Variants in GABBR2 observed in about 807,000 individuals in gnomAD.
The protein encoded by GABBR2 is G-protein coupled receptor 51.
A neutral mutation model predicts 105.6 loss-of-function variants in GABBR2; 23 were observed. That is an observed-to-expected ratio of 0.22 (90% confidence interval 0.16 to 0.31). The LOEUF (loss-of-function observed/expected upper bound fraction) is 0.31. Among genes scored for constraint, GABBR2 ranks in the 10% least tolerant of loss-of-function variants. The pLI is 1.00. For missense variants in GABBR2, 734 were observed against 1,245.5 expected (o/e 0.59, Z 6.18); for synonymous variants, 478 against 499.7 (o/e 0.96, Z 0.58).
intron 8 of GABBR2, among the ~76,000 whole-genome samples, chr9:98,400,084 T>C (rs1832365905): frequency 1.4e-5 from 2 of 147,752 alleles, no homozygotes; most frequent in East Asian, 4.0e-4. Flanking sequence ...CTTGGGAGGC[T>C]GAGGAAGGAG....
chr9:98,515,619 C>G (rs1827742375), intron 3 of GABBR2, among the ~76,000 whole-genome samples: 1 of 152,004 alleles, frequency 6.6e-6, no homozygotes. Context: ...CTGGGACTCG[C>G]CTTGGCACAG....
chr9:98,652,492 T>C (rs528267401), intron 1 of GABBR2, among the ~76,000 whole-genome samples: 1 of 152,238 alleles, frequency 6.6e-6, no homozygotes, highest in Non-Finnish European at 1.5e-5. Flanking sequence ...GACACCTGGA[T>C]CAGTGGTTTT....
At chr9:98,587,637 G>A (rs1829095930) in intron 1 of GABBR2, among the ~76,000 whole-genome samples, 1 of 152,210 alleles carries the variant, frequency 6.6e-6, no homozygotes, top group South Asian at 2.1e-4. Flanking sequence ...GGAGGCAGAA[G>A]AGGGAAGAGA....
intron 13 of GABBR2, among the ~76,000 whole-genome samples, chr9:98,324,282 T>C (rs562174811): frequency 2.0e-5 from 3 of 152,188 alleles, no homozygotes; most frequent in Non-Finnish European, 4.4e-5. Context: ...TTTTACAGTG[T>C]GTCCTTGGCT....
At chr9:98,341,013 G>C (rs1217618711) in intron 13 of GABBR2, among the ~76,000 whole-genome samples, 1 of 152,264 alleles carries the variant, frequency 6.6e-6, no homozygotes, top group Non-Finnish European at 1.5e-5. Context: ...TGGACAGGTA[G>C]AGATGGAGAA....
chr9:98,512,545 A>G (rs984087350), intron 3 of GABBR2, among the ~76,000 whole-genome samples: 6 of 152,218 alleles, frequency 3.9e-5, no homozygotes. Flanking sequence ...CTGATCAGCA[A>G]CTTCAGCAAA....
At chr9:98,455,729 T>C (rs569149851) in intron 6 of GABBR2, among the ~76,000 whole-genome samples, 15 of 152,344 alleles carry the variant, frequency 9.8e-5, no homozygotes, top group South Asian at 2.1e-4. Context: ...CATCAAAGAC[T>C]GTGTCTTCCG....
chr9:98,438,172 TATCCATCCATCCATCC>T (rs34647195), intron 7 of GABBR2, among the ~76,000 whole-genome samples: 18,446 of 143,718 alleles, frequency 0.13, 1,283 homozygotes, highest in East Asian at 0.19. Flanking sequence ...TCCATCTACC[TATCCATCCATCCATCC>T]ATCCATCCAT....
intron 7 of GABBR2, among the ~76,000 whole-genome samples, chr9:98,420,421 C>T (rs1225042186): frequency 6.6e-6 from 1 of 152,192 alleles, no homozygotes; most frequent in Non-Finnish European, 1.5e-5. Context: ...AAGGCATGTG[C>T]AGGGCTTTTA....
chr9:98,677,130 G>T (rs1452137751), intron 1 of GABBR2, among the ~76,000 whole-genome samples: 4 of 152,218 alleles, frequency 2.6e-5, no homozygotes, highest in Non-Finnish European at 5.9e-5. Flanking sequence ...TAGCCAAGAA[G>T]ACTACTGCAC....
At chr9:98,409,144 C>T (rs571536021) in intron 7 of GABBR2, among the ~76,000 whole-genome samples, 1 of 152,264 alleles carries the variant, frequency 6.6e-6, no homozygotes, top group South Asian at 2.1e-4. Flanking sequence ...GTGAGGGAGG[C>T]AGGGTTGTGG....
intron 17 of GABBR2, among the ~76,000 whole-genome samples, chr9:98,296,078 T>C (rs1206503874): frequency 6.6e-6 from 1 of 152,178 alleles, no homozygotes; most frequent in Non-Finnish European, 1.5e-5. Context: ...CCCAAATTCA[T>C]GTGTTGAAAC....
At chr9:98,613,658 T>C (rs943093229) in intron 1 of GABBR2, among the ~76,000 whole-genome samples, 2 of 152,166 alleles carry the variant, frequency 1.3e-5, no homozygotes, top group African/African-American at 4.8e-5. Flanking sequence ...AAAAGACAAA[T>C]TCTGCAGGGA....
chr9:98,531,367 C>T (rs1026233028), intron 3 of GABBR2, among the ~76,000 whole-genome samples: 1 of 152,184 alleles, frequency 6.6e-6, no homozygotes, highest in Non-Finnish European at 1.5e-5. Context: ...AATGGGACAG[C>T]CATCTTCTCT....
intron 1 of GABBR2, among the ~76,000 whole-genome samples, chr9:98,646,013 GC>G (rs1830024741): frequency 6.6e-6 from 1 of 152,180 alleles, no homozygotes. Context: ...AGGCAGTCTG[GC>G]TCCGGGATCC....
intron 7 of GABBR2, among the ~76,000 whole-genome samples, chr9:98,433,374 T>C (rs539084444): frequency 1.4e-4 from 22 of 152,340 alleles, no homozygotes; most frequent in African/African-American, 5.1e-4. Flanking sequence ...TACATACACA[T>C]GTACAAAATT....
chr9:98,645,277 C>A (rs1195902739), intron 1 of GABBR2, among the ~76,000 whole-genome samples: 2 of 152,162 alleles, frequency 1.3e-5, no homozygotes, highest in African/African-American at 4.8e-5. Context: ...TACTTTGCAC[C>A]TAGAAGCACA....
intron 1 of GABBR2, among the ~76,000 whole-genome samples, chr9:98,627,077 C>T (rs1829747459): frequency 6.6e-6 from 1 of 152,164 alleles, no homozygotes; most frequent in Admixed American, 6.5e-5. Context: ...GCTTCCTAAA[C>T]AAGATGAGGC....
chr9:98,495,890 G>T (rs1827268873), intron 4 of GABBR2: 1 of 155,646 alleles, frequency 6.4e-6, no homozygotes, highest in African/African-American at 2.4e-5. Context: ...GAGCCCAAGA[G>T]AGGGTCTGGT....
Sources: gnomAD v4.1 joint callset for allele counts (sites outside exome capture counted in the v4.1 genomes callset) on GRCh38, gnomAD v4.1.1 for gene constraint, MANE v1.5 for transcripts, NCBI Gene and HGNC (gene_info 2026-07-23, HGNC 2026-07-21) for gene names.